The following DCX variants were observed in gnomAD, a reference collection of about 807,000 sequenced individuals.
DCX encodes the protein neuronal migration protein doublecortin.
DCX carries 4 observed loss-of-function variants against 20.9 expected under a neutral mutation model. The observed-to-expected ratio is 0.19, with a 90% CI of 0.09 to 0.44. The LOEUF (loss-of-function observed/expected upper bound fraction) is 0.44. DCX is among the 20% of genes least tolerant of loss of function. DCX has a pLI of 0.99. For synonymous variants in DCX, 103 were observed against 111.4 expected (o/e 0.92, Z 0.47); for missense variants, 133 against 296.9 (o/e 0.45, Z 4.06).
chrX:111,339,522 C>T (rs1372523589), intron 3 of DCX, among the ~76,000 whole-genome samples: 1 of 111,847 alleles, frequency 8.9e-6, no homozygotes, highest in Non-Finnish European at 1.9e-5. Context: ...GCCCCTTGAC[C>T]TTGAACTTCA....
At chrX:111,375,317 C>A (rs1007881853) in intron 3 of DCX, among the ~76,000 whole-genome samples, 16 of 111,039 alleles carry the variant, frequency 1.4e-4, no homozygotes, top group South Asian at 3.9e-4. Flanking sequence ...TCATACTGTA[C>A]TATAGTTATG....
rs1391653141 is a variant in DCX at position 111,297,773 on chromosome X, G to A, written c.*3914C>T. The A allele has an allele frequency of 1.8e-5, 2 of 111,955 alleles. No individual in the cohort carries two copies. Among genetic ancestry groups the A allele is most frequent in the East Asian group, 2.8e-4 (1 of 3,567 alleles). 9.2% of individuals were successfully genotyped at this position (111,955 alleles called of 1,213,427 possible). Reference sequence around the variant, plus strand: ...TGGTTTCTGCTGTGGAAGGCCACAGGAGCAGTGTACACAAGACGATGGGAA... The same window carrying A: ...TGGTTTCTGCTGTGGAAGGCCACAGAAGCAGTGTACACAAGACGATGGGAA... On this transcript the variant is annotated 3_prime_UTR_variant, in exon 7 of 7. Coordinates refer to ENST00000636035, the MANE Select transcript of DCX (RefSeq NM_001195553.2).
Position 111,325,974 on chromosome X carries a change from C to T in DCX, c.946+4930G>A, listed in dbSNP as rs751500770. Among the ~76,000 whole-genome samples the T allele has an allele frequency of 8.1e-5, 9 of 111,560 alleles. No individual in the cohort carries two copies. In the South Asian group the frequency reaches 1.9e-3, roughly 24 times the overall value. ...GACCAAGTCCCTCTATCTTAGGCAA[C>T]CCAAAGCAGCCTACTAGTTTCAGAA... On this transcript the variant is annotated intron_variant, in intron 5 of 6. Coordinates refer to ENST00000636035, the MANE Select transcript of DCX (RefSeq NM_001195553.2).
At chrX:111,354,731 AG>A (rs1052250473) in intron 3 of DCX, among the ~76,000 whole-genome samples, 2 of 112,454 alleles carry the variant, frequency 1.8e-5, no homozygotes, top group African/African-American at 6.5e-5. Flanking sequence ...CTCAACTCAA[AG>A]CTTTCCACTT....
chrX:111,328,008 G>T (rs1258360417), intron 5 of DCX, among the ~76,000 whole-genome samples: 2 of 112,224 alleles, frequency 1.8e-5, no homozygotes, highest in Admixed American at 9.5e-5. Flanking sequence ...CTAGACTAGG[G>T]TTTGACTTCA....
rs2095014656 is a variant in DCX, at chrX:111,294,120, G to A, written c.*7567C>T. ...GGCCTCACCAAACCTACCAGTCCAA[G>A]TGGGGTCAGCAAACCAAAAAAGGAG... On this transcript the variant is annotated 3_prime_UTR_variant, in exon 7 of 7. Transcript: ENST00000636035. The A allele has an allele frequency of 8.9e-6, 1 of 111,847 alleles. No homozygotes were observed. The highest frequency in any genetic ancestry group is 1.9e-5 in the Non-Finnish European group (1 of 53,150). The allele number at this position is 111,847 out of a possible 1,213,427, so 9.2% of individuals were successfully genotyped here.
At chrX:111,336,739 A>G (rs575625293) in intron 3 of DCX, among the ~76,000 whole-genome samples, 2 of 112,451 alleles carry the variant, frequency 1.8e-5, no homozygotes, top group African/African-American at 6.5e-5. Context: ...CTGACTTCAA[A>G]GGCATATCTA....
At chrX:111,405,642 A>G (rs1928149800) in intron 2 of DCX, among the ~76,000 whole-genome samples, 1 of 111,542 alleles carries the variant, frequency 9.0e-6, no homozygotes, top group Non-Finnish European at 1.9e-5. Flanking sequence ...GAAAATGGGG[A>G]AAGAATTGGA....
At chrX:111,324,196 A>G (rs1456020964) in intron 5 of DCX, among the ~76,000 whole-genome samples, 1 of 111,555 alleles carries the variant, frequency 9.0e-6, no homozygotes. Flanking sequence ...GGTAGAGTTA[A>G]GAGCCTCCTT....
At chrX:111,304,127 G>T (rs186726200) in intron 6 of DCX, among the ~76,000 whole-genome samples, 3 of 111,872 alleles carry the variant, frequency 2.7e-5, no homozygotes, top group Non-Finnish European at 5.6e-5. Context: ...CATGTAAAAT[G>T]GAATTGAAGC....
intron 3 of DCX, among the ~76,000 whole-genome samples, chrX:111,385,491 A>G (rs745907204): frequency 9.1e-6 from 1 of 109,356 alleles, no homozygotes; most frequent in Non-Finnish European, 1.9e-5. Flanking sequence ...CCTCGTCTCT[A>G]CTAAAAATAC....
intron 3 of DCX, among the ~76,000 whole-genome samples, chrX:111,366,028 C>A (rs1481148263): frequency 6.2e-5 from 7 of 112,039 alleles, no homozygotes; most frequent in Non-Finnish European, 1.3e-4. Context: ...TGTTAAATGT[C>A]CCCTGTTGGA....
chrX:111,353,003 G>C (rs1053455079), intron 3 of DCX, among the ~76,000 whole-genome samples: 3 of 111,668 alleles, frequency 2.7e-5, no homozygotes, highest in African/African-American at 9.8e-5. Flanking sequence ...ACTGAAGAAG[G>C]AAAAAAAGAG....
chrX:111,360,732 T>C (rs1924142317), intron 3 of DCX, among the ~76,000 whole-genome samples: 1 of 110,380 alleles, frequency 9.1e-6, no homozygotes, highest in Non-Finnish European at 1.9e-5. Context: ...TACTCTACAC[T>C]CACAAAAACT....
At chrX:111,382,949 G>A (rs1177308638) in intron 3 of DCX, among the ~76,000 whole-genome samples, 1 of 111,028 alleles carries the variant, frequency 9.0e-6, no homozygotes, top group Admixed American at 9.6e-5. Flanking sequence ...TGCACTTAAC[G>A]CTCAACAAAT....
chrX:111,328,776 C>A lies in DCX; in HGVS notation c.946+2128G>T, dbSNP rs1169293420. Among the ~76,000 whole-genome samples, 3 of 110,913 alleles carry A rather than the reference C, an allele frequency of 2.7e-5. No individual in the cohort carries two copies. In the East Asian group the frequency reaches 8.5e-4, roughly 31 times the overall value. On this transcript the variant is annotated intron_variant, in intron 5 of 6. Transcript: ENST00000636035. ...TGGATCACAAACTAAGGTAGGAGAT[C>A]TTGCCAACAGCCATATTGTAAGTGG...
At chrX:111,379,350 C>T (rs894939404) in intron 3 of DCX, among the ~76,000 whole-genome samples, 4 of 111,412 alleles carry the variant, frequency 3.6e-5, no homozygotes, top group Non-Finnish European at 1.9e-5. Context: ...AACCGCTGTG[C>T]CCATTAGCTG....
intron 1 of DCX, chrX:111,410,772 A>G (rs1928646006): frequency 3.3e-6 from 4 of 1,208,139 alleles, no homozygotes; most frequent in Non-Finnish European, 4.5e-6. Context: ...GCTCCTATCA[A>G]ATTGGAACTT....
chrX:111,362,427 G>A (rs1312720678), intron 3 of DCX, among the ~76,000 whole-genome samples: 1 of 110,990 alleles, frequency 9.0e-6, no homozygotes, highest in East Asian at 2.8e-4. Flanking sequence ...TAATGGAAAT[G>A]CAGTCCCCAA....
Sources: allele counts gnomAD v4.1 joint callset (sites outside exome capture counted in the v4.1 genomes callset), GRCh38; gene constraint gnomAD v4.1.1; transcripts MANE v1.5; gene names NCBI Gene and HGNC (gene_info 2026-07-23, HGNC 2026-07-21).